RASGRF2: variants seen among roughly 807,000 people sequenced by gnomAD.
RASGRF2 encodes ras-specific guanine nucleotide-releasing factor 2.
A neutral mutation model predicts 151.0 loss-of-function variants in RASGRF2; 76 were observed. That is an observed-to-expected ratio of 0.50 (90% confidence interval 0.42 to 0.61). RASGRF2 has a LOEUF of 0.61. Among genes scored for constraint, RASGRF2 ranks in the 20% least tolerant of loss-of-function variants. The pLI is 0.00. For missense variants in RASGRF2, 1,148 were observed against 1,564.6 expected, an observed-to-expected ratio of 0.73 and a Z score of 4.49; for synonymous variants, 504 against 566.5, an observed-to-expected ratio of 0.89 and a Z score of 1.57.
At chr5:81,168,552 C>T (rs1325540640) in intron 17 of RASGRF2, among the ~76,000 whole-genome samples, 1 of 152,082 alleles carries the variant, frequency 6.6e-6, no homozygotes, top group African/African-American at 2.4e-5. Flanking sequence ...CTCAGGTGAT[C>T]CACCCACCTC....
intron 1 of RASGRF2, among the ~76,000 whole-genome samples, chr5:81,026,051 C>G (rs1458815148): frequency 5.3e-5 from 2 of 37,630 alleles, no homozygotes; most frequent in Non-Finnish European, 1.0e-4. Flanking sequence ...TCCTTCCATC[C>G]TTCCCTTCTT....
At chr5:81,058,825 T>C (rs1751317782) in intron 2 of RASGRF2, among the ~76,000 whole-genome samples, 1 of 149,910 alleles carries the variant, frequency 6.7e-6, no homozygotes, top group Non-Finnish European at 1.5e-5. Flanking sequence ...TAAATCATAT[T>C]AGATGAAATA....
intron 1 of RASGRF2, among the ~76,000 whole-genome samples, chr5:81,026,295 G>A (rs544371747): frequency 9.4e-5 from 14 of 148,396 alleles, no homozygotes; most frequent in Middle Eastern, 6.8e-3. Context: ...TCTTTCTCCT[G>A]GCCAGTGAAG....
At position 81,067,116 on chromosome 5, in the gene RASGRF2, A is replaced by G. The variant is rs139751770; in HGVS notation, c.396-916A>G. ...TGAGGTCAGTACTTCGCCTCTGTGA[A>G]GATCAAATTCCTTCTCTGGGCAATT... On this transcript the variant is annotated intron_variant, in intron 2 of 26. Transcript: ENST00000265080. Among the ~76,000 whole-genome samples, 21 of 152,314 alleles carry G rather than the reference A, an allele frequency of 1.4e-4. No homozygotes were observed. The East Asian group carries it at 3.5e-3, about 25-fold the overall frequency.
chr5:81,003,085 C>G (rs1749130916), intron 1 of RASGRF2, among the ~76,000 whole-genome samples: 2 of 152,108 alleles, frequency 1.3e-5, no homozygotes, highest in Non-Finnish European at 2.9e-5. Context: ...GAGAGAAAGT[C>G]TCGCTCTGTT....
intron 16 of RASGRF2, among the ~76,000 whole-genome samples, chr5:81,125,442 T>TA (rs981471603): frequency 6.6e-6 from 1 of 152,182 alleles, no homozygotes; most frequent in Non-Finnish European, 1.5e-5. Flanking sequence ...GTGTTTCTGG[T>TA]AAATGAAGGT....
intron 1 of RASGRF2, among the ~76,000 whole-genome samples, chr5:80,987,610 A>G (rs1429169658): frequency 6.6e-6 from 1 of 152,208 alleles, no homozygotes; most frequent in Non-Finnish European, 1.5e-5. Flanking sequence ...GAGGGAGCAC[A>G]GGGAGCTGGC....
In RASGRF2 at chr5:81,229,304, G is replaced by A. The variant is rs779273371; in HGVS notation, c.*3534G>A. 5 of 152,138 alleles carry A rather than the reference G, an allele frequency of 3.3e-5. No homozygotes were observed. The highest frequency in any genetic ancestry group is 6.5e-5 in the Admixed American group (1 of 15,276). The allele number at this position is 152,138 out of a possible 1,614,324, so 9.4% of individuals were successfully genotyped here. ...AGAACATACTATTTATGGCTGAAGGGTATAGCCAGGCTAATGTGCACAGAG... is the reference window on the plus strand; with the variant it reads ...AGAACATACTATTTATGGCTGAAGGATATAGCCAGGCTAATGTGCACAGAG... On this transcript the variant is annotated 3_prime_UTR_variant, in exon 27 of 27. Coordinates refer to ENST00000265080, the MANE Select transcript of RASGRF2 (RefSeq NM_006909.3).
intron 18 of RASGRF2, among the ~76,000 whole-genome samples, chr5:81,186,742 G>A (rs80210983): frequency 0.085 from 12,912 of 152,190 alleles, 610 homozygotes; most frequent in Middle Eastern, 0.19. Flanking sequence ...GAATTTTTAC[G>A]TCTCCAAAAA....
At chr5:81,003,130 A>G (rs1749133838) in intron 1 of RASGRF2, among the ~76,000 whole-genome samples, 1 of 151,678 alleles carries the variant, frequency 6.6e-6, no homozygotes, top group Non-Finnish European at 1.5e-5. Context: ...ATCTCAGCTC[A>G]CTGCAACCTC....
At chr5:81,087,110 T>C (rs1354379308) in intron 9 of RASGRF2, 157 bp downstream of exon 9, 1 of 740,510 alleles carries the variant, frequency 1.4e-6, no homozygotes, top group Non-Finnish European at 2.4e-6. Flanking sequence ...GGCCCACCTT[T>C]GTGCTGTTTC....
chr5:81,038,656 G>C (rs1382723570), intron 1 of RASGRF2, among the ~76,000 whole-genome samples: 1 of 139,910 alleles, frequency 7.1e-6, no homozygotes, highest in African/African-American at 2.7e-5. Flanking sequence ...GCAAACTGCA[G>C]TCTCAAACTC....
In RASGRF2 at chr5:81,112,700, C is replaced by T. The variant is rs768829851; in HGVS notation, c.1929C>T (p.Ser643=). Residue 643 remains serine, a synonymous_variant, in exon 14 of 27, where the codon AGC becomes AGT. Transcript: ENST00000265080. ...AAGTGCCCCAGATCCGTTATGCCAGCGTGGAGCGCCTCTTGGAACGACTGA... is the reference window on the plus strand; with the variant it reads ...AAGTGCCCCAGATCCGTTATGCCAGTGTGGAGCGCCTCTTGGAACGACTGA... ...SCKVPQIRYA[S]VERLLERLTD... 8.1e-6 allele frequency: 13 copies of T among 1,614,106 alleles called. No individual in the cohort carries two copies. The highest frequency in any genetic ancestry group is 4.4e-5 in the South Asian group (4 of 91,084).
chr5:81,018,637 C>T (rs1561557168), intron 1 of RASGRF2, among the ~76,000 whole-genome samples: 2 of 152,160 alleles, frequency 1.3e-5, no homozygotes, highest in Non-Finnish European at 2.9e-5. Flanking sequence ...GTTTAAAATG[C>T]ATTTCATTTC....
At chr5:80,994,603 C>T (rs1748773016) in intron 1 of RASGRF2, among the ~76,000 whole-genome samples, 4 of 152,154 alleles carry the variant, frequency 2.6e-5, no homozygotes, top group South Asian at 2.1e-4. Flanking sequence ...CTGATCCATA[C>T]ATCTCACAGA....
intron 12 of RASGRF2, among the ~76,000 whole-genome samples, chr5:81,102,828 C>G (rs1313280554): frequency 6.6e-6 from 1 of 152,104 alleles, no homozygotes; most frequent in African/African-American, 2.4e-5. Flanking sequence ...AGCATGCTTG[C>G]AGCCCGAAAC....
chr5:81,187,620 C>A (rs1010354649), intron 18 of RASGRF2, among the ~76,000 whole-genome samples: 4 of 152,216 alleles, frequency 2.6e-5, no homozygotes, highest in Non-Finnish European at 5.9e-5. Flanking sequence ...AGGAACCAAC[C>A]AATGAGCATC....
intron 12 of RASGRF2, among the ~76,000 whole-genome samples, chr5:81,102,971 A>T (rs1340083345): frequency 6.6e-6 from 1 of 152,186 alleles, no homozygotes; most frequent in Non-Finnish European, 1.5e-5. Flanking sequence ...CAGTAGAATT[A>T]GCGCTACAAG....
intron 12 of RASGRF2, among the ~76,000 whole-genome samples, chr5:81,105,505 C>T (rs1019515388): frequency 6.6e-6 from 1 of 152,180 alleles, no homozygotes; most frequent in Non-Finnish European, 1.5e-5. Context: ...CATTACCTCA[C>T]CTCTGTTCTT....
Sources: allele counts gnomAD v4.1 joint callset (sites outside exome capture counted in the v4.1 genomes callset), GRCh38; gene constraint gnomAD v4.1.1; transcripts MANE v1.5; gene names NCBI Gene and HGNC (gene_info 2026-07-23, HGNC 2026-07-21).